PPP2R5A: variants seen among roughly 807,000 people sequenced by gnomAD.
The protein encoded by PPP2R5A is protein phosphatase 2 regulatory subunit B'alpha.
In PPP2R5A, 25 loss-of-function variants were observed where a neutral mutation model predicts 64.2. That is an observed-to-expected ratio of 0.39 (90% CI 0.28 to 0.54). The LOEUF is 0.54. PPP2R5A is among the 20% of genes least tolerant of loss of function. The probability of loss-of-function intolerance (pLI) is 0.67; values close to 1 mark genes in which losing one functional copy is unlikely to be tolerated. For missense variants in PPP2R5A, 425 were observed against 576.3 expected, an observed-to-expected ratio of 0.74 and a Z score of 2.69; for synonymous variants, 198 against 201.2, an observed-to-expected ratio of 0.98 and a Z score of 0.13.
intron 5 of PPP2R5A, among the ~76,000 whole-genome samples, chr1:212,346,230 CATATATATGTAACATAGT>C (rs1445824953): frequency 2.0e-5 from 3 of 151,720 alleles, no homozygotes; most frequent in Non-Finnish European, 4.4e-5. Context: ...ATATATGTAA[CATATATATGTAACATAGT>C]ATATATGTGT....
Position 212,349,283 on chromosome 1 carries a change from A to G in PPP2R5A, c.927+41A>G, listed in dbSNP as rs371751700. On this transcript the variant is annotated intron_variant, in intron 8 of 12. Coordinates refer to ENST00000261461, the MANE Select transcript of PPP2R5A (RefSeq NM_006243.4). ...ATTTTCATGTTTTTGGTCTGCATTA[A>G]TAGCATTTCATTGTAGCTTTCGTTT... The G allele has an allele frequency of 2.1e-6, 3 of 1,438,264 alleles. No individual in the cohort carries two copies. The African/African-American group carries it at 4.3e-5, about 21-fold the overall frequency. The allele number at this position is 1,438,264 out of a possible 1,614,324, so 89.1% of individuals were successfully genotyped here. A position where few individuals can be genotyped will look rare whatever the true frequency, so the allele number is the denominator to read the frequency against.
At chr1:212,322,265 G>GGAGGGAGAGGGAGACGGAGAGGAGGGA (rs1659319370) in intron 1 of PPP2R5A, among the ~76,000 whole-genome samples, 1 of 85,280 alleles carries the variant, frequency 1.2e-5, no homozygotes, top group Non-Finnish European at 2.3e-5. Context: ...GAGAGGGAGA[G>GGAGGGAGAGGGAGACGGAGAGGAGGGA]GAGGGAGAGG....
At chr1:212,323,901 G>C (rs552993663) in intron 1 of PPP2R5A, among the ~76,000 whole-genome samples, 1 of 151,922 alleles carries the variant, frequency 6.6e-6, no homozygotes, top group Non-Finnish European at 1.5e-5. Context: ...GTGAAACCCC[G>C]TCTCTACTAA....
chr1:212,337,397 G>C (rs1659608674), intron 3 of PPP2R5A, among the ~76,000 whole-genome samples: 1 of 152,058 alleles, frequency 6.6e-6, no homozygotes, highest in African/African-American at 2.4e-5. Flanking sequence ...ATAGTGCCTA[G>C]AACATAGACC....
chr1:212,309,272 T>C (rs577622978), intron 1 of PPP2R5A: 5 of 1,523,332 alleles, frequency 3.3e-6, no homozygotes, highest in African/African-American at 1.4e-5. Context: ...GCAGACTCAG[T>C]GGTCAGCGGA....
In PPP2R5A at chr1:212,357,299, T is replaced by C; in HGVS notation, c.1226+15T>C. 1.3e-6 allele frequency: 2 copies of C among 1,541,548 alleles called. No individual in the cohort carries two copies. The highest frequency in any genetic ancestry group is 1.7e-6 in the Non-Finnish European group (2 of 1,150,228). ...CACTGGAATCCGTAAGTATCTTTTA[T>C]ATAGGTCGTATTTTTTTCTTTTTTT... On this transcript the variant is annotated intron_variant, in intron 11 of 12. Coordinates refer to ENST00000261461, the MANE Select transcript of PPP2R5A (RefSeq NM_006243.4).
chr1:212,287,567 A>C (rs1466309322), intron 1 of PPP2R5A, among the ~76,000 whole-genome samples: 1 of 152,216 alleles, frequency 6.6e-6, no homozygotes, highest in Non-Finnish European at 1.5e-5. Context: ...CACAGTTAGA[A>C]TCAAACTGGC....
intron 1 of PPP2R5A, among the ~76,000 whole-genome samples, chr1:212,310,302 T>C (rs1659005112): frequency 6.6e-6 from 1 of 152,040 alleles, no homozygotes; most frequent in South Asian, 2.1e-4. Context: ...GTTTTTTTTT[T>C]TGTCTCTCCT....
chr1:212,321,860 G>A (rs1431077580), intron 1 of PPP2R5A, among the ~76,000 whole-genome samples: 7 of 150,436 alleles, frequency 4.7e-5, no homozygotes, highest in Middle Eastern at 3.4e-3. Flanking sequence ...AGGTTGTAGC[G>A]AGCCGAGATC....
At chr1:212,357,090 C>G (rs1196310864) in intron 10 of PPP2R5A, 21 bp downstream of exon 10, 30 of 1,593,180 alleles carry the variant, frequency 1.9e-5, no homozygotes, top group Non-Finnish European at 2.4e-5. Flanking sequence ...TTCAGTGAAG[C>G]CTTTACTTTA....
chr1:212,359,698 C>T (rs1259016614), intron 12 of PPP2R5A, among the ~76,000 whole-genome samples: 1 of 152,122 alleles, frequency 6.6e-6, no homozygotes, highest in Non-Finnish European at 1.5e-5. Context: ...TTATGGTTAT[C>T]TTAAAGTAGA....
chr1:212,351,138 TTAG>T (rs1165626318), intron 8 of PPP2R5A, among the ~76,000 whole-genome samples: 1 of 150,076 alleles, frequency 6.7e-6, no homozygotes, highest in Admixed American at 6.7e-5. Flanking sequence ...ACCTTGACGA[TTAG>T]GGAGAGGGAT....
At chr1:212,293,824 C>G (rs930741510) in intron 1 of PPP2R5A, among the ~76,000 whole-genome samples, 1 of 151,900 alleles carries the variant, frequency 6.6e-6, no homozygotes, top group African/African-American at 2.4e-5. Flanking sequence ...GATGTTATAT[C>G]TAGTTGAGCT....
chr1:212,301,996 A>G (rs1475493963), intron 1 of PPP2R5A: 12 of 1,470,750 alleles, frequency 8.2e-6, no homozygotes, highest in African/African-American at 1.4e-5. Context: ...AGGATTAACA[A>G]TGAACAACTT....
At chr1:212,328,645 G>GT (rs1558148839) in intron 1 of PPP2R5A, among the ~76,000 whole-genome samples, 1 of 152,160 alleles carries the variant, frequency 6.6e-6, no homozygotes, top group African/African-American at 2.4e-5. Context: ...TGTTTGGAGG[G>GT]TAAGTCAGGA....
intron 5 of PPP2R5A, among the ~76,000 whole-genome samples, chr1:212,346,529 G>A (rs890090289): frequency 2.0e-5 from 3 of 152,046 alleles, no homozygotes; most frequent in East Asian, 3.9e-4. Flanking sequence ...AATACAGTGT[G>A]AATGCTGTGC....
chr1:212,344,347 T>C (rs1659737285), intron 4 of PPP2R5A, among the ~76,000 whole-genome samples: 1 of 152,208 alleles, frequency 6.6e-6, no homozygotes, highest in Non-Finnish European at 1.5e-5. Flanking sequence ...TCCGTAGATA[T>C]TTTTTGCTGG....
intron 1 of PPP2R5A, among the ~76,000 whole-genome samples, chr1:212,295,461 T>C (rs1168590410): frequency 2.0e-5 from 3 of 152,192 alleles, no homozygotes; most frequent in Non-Finnish European, 2.9e-5. Context: ...TATTTGGATA[T>C]GGAGCAATGT....
chr1:212,349,112 A>T, intron 7 of PPP2R5A, 77 bp from the exon 8 acceptor site: 1 of 1,006,008 alleles, frequency 9.9e-7, no homozygotes, highest in Non-Finnish European at 1.4e-6. Flanking sequence ...AGTCTAAAAA[A>T]TATTGGCTAA....
Sources: allele counts gnomAD v4.1 joint callset (sites outside exome capture counted in the v4.1 genomes callset), GRCh38; gene constraint gnomAD v4.1.1; transcripts MANE v1.5; gene names NCBI Gene and HGNC (gene_info 2026-07-23, HGNC 2026-07-21).